The following ST8SIA4 variants were observed in gnomAD, a reference collection of about 807,000 sequenced individuals.
ST8SIA4 encodes ST8 alpha-N-acetyl-neuraminide alpha-2,8-sialyltransferase 4.
In ST8SIA4, 15 loss-of-function variants were observed where a neutral mutation model predicts 33.9. The observed-to-expected ratio is 0.44, with a 90% CI of 0.30 to 0.68. The LOEUF is 0.68. Ranked by LOEUF, ST8SIA4 falls within the 30% of genes least tolerant of loss-of-function variation. The pLI is 0.10. For synonymous variants in ST8SIA4, 171 were observed against 151.2 expected, an observed-to-expected ratio of 1.13 and a Z score of -0.96; for missense variants, 321 against 428.0, an observed-to-expected ratio of 0.75 and a Z score of 2.21.
At chr5:100,855,820 C>T (rs545818508) in intron 4 of ST8SIA4, among the ~76,000 whole-genome samples, 6 of 152,258 alleles carry the variant, frequency 3.9e-5, no homozygotes, top group African/African-American at 1.2e-4. Context: ...ACTATGAATT[C>T]TTATTACTTT....
intron 4 of ST8SIA4, among the ~76,000 whole-genome samples, chr5:100,816,226 A>G (rs2725118): frequency 0.9 from 136,381 of 152,206 alleles, 61,968 homozygotes; most frequent in Middle Eastern, 0.98. Flanking sequence ...AACACATTGC[A>G]AAGAAAAGAA....
chr5:100,847,039 T>C (rs145791458), intron 4 of ST8SIA4, among the ~76,000 whole-genome samples: 9 of 152,192 alleles, frequency 5.9e-5, no homozygotes, highest in Admixed American at 2.0e-4. Flanking sequence ...GAAAGAAATA[T>C]CCTTTCATGG....
At chr5:100,850,954 C>CTTTTTTTTT in intron 4 of ST8SIA4, among the ~76,000 whole-genome samples, 1 of 75,120 alleles carries the variant, frequency 1.3e-5, no homozygotes, top group East Asian at 3.9e-4. Context: ...TGTAACCATA[C>CTTTTTTTTT]TTTTTTTTTT....
In ST8SIA4 at chr5:100,817,736, A is replaced by G. The variant is rs375608731; in HGVS notation, c.798-5607T>C. 3.3e-5 allele frequency among the ~76,000 whole-genome samples: 5 copies of G among 152,328 alleles called. No homozygotes were observed. The South Asian group carries it at 1.0e-3, about 32-fold the overall frequency. ...TAGTAAATTTCTTAAATAAAAGTGG[A>G]ACTTCCAGCACTGAACTTGCTGAGA... On this transcript the variant is annotated intron_variant, in intron 4 of 4. Coordinates refer to ENST00000231461, the MANE Select transcript of ST8SIA4 (RefSeq NM_005668.6).
At position 100,811,904 on chromosome 5, in the gene ST8SIA4, A is replaced by T; in HGVS notation, c.1023T>A (p.Asn341Lys). ...HRMPLEFKTL[N>K]VLHNRGALKL... is the part of the protein sequence containing the mutation. Reference sequence around the variant, plus strand: ...TTAGAGCTCCTCTATTATGTAGCACATTTAATGTTTTGAATTCTAATGGCA... The same window carrying T: ...TTAGAGCTCCTCTATTATGTAGCACTTTTAATGTTTTGAATTCTAATGGCA... Residue 341 changes from asparagine to lysine, a missense_variant, in exon 5 of 5, where the codon AAT becomes AAA. Asn to Lys is a moderately conservative substitution (Grantham distance 94). Coordinates refer to ENST00000231461, the MANE Select transcript of ST8SIA4 (RefSeq NM_005668.6). 1.9e-6 allele frequency: 3 copies of T among 1,614,166 alleles called. No individual in the cohort carries two copies. The highest frequency in any genetic ancestry group is 2.5e-6 in the Non-Finnish European group (3 of 1,180,018).
At chr5:100,833,565 A>G (rs1413922980) in intron 4 of ST8SIA4, among the ~76,000 whole-genome samples, 1 of 152,128 alleles carries the variant, frequency 6.6e-6, no homozygotes, top group Non-Finnish European at 1.5e-5. Context: ...TTCATTCCTC[A>G]GTTTTCTCAA....
Position 100,811,753 on chromosome 5 carries a change from G to C in ST8SIA4, c.*94C>G. On this transcript the variant is annotated 3_prime_UTR_variant, in exon 5 of 5. Transcript: ENST00000231461. Reference sequence around the variant, plus strand: ...TTATTCACCTTTCAGTTCATTGGTGGATGCTGAAACCCAGCCGTGTTTTGG... The same window carrying C: ...TTATTCACCTTTCAGTTCATTGGTGCATGCTGAAACCCAGCCGTGTTTTGG... 1 of 1,282,644 alleles carries C rather than the reference G, an allele frequency of 7.8e-7. No homozygotes were observed. The highest frequency in any genetic ancestry group is 1.1e-6 in the Non-Finnish European group (1 of 937,196). 79.5% of individuals were successfully genotyped at this position (1,282,644 alleles called of 1,614,324 possible).
At chr5:100,815,250 T>A (rs1750891512) in intron 4 of ST8SIA4, among the ~76,000 whole-genome samples, 1 of 151,984 alleles carries the variant, frequency 6.6e-6, no homozygotes, top group African/African-American at 2.4e-5. Context: ...TTACCTATAA[T>A]CCATCCACAT....
At chr5:100,851,845 T>C (rs979389535) in intron 4 of ST8SIA4, among the ~76,000 whole-genome samples, 2 of 152,006 alleles carry the variant, frequency 1.3e-5, no homozygotes, top group Non-Finnish European at 2.9e-5. Context: ...CTAGTCAAAT[T>C]AAAGTAACTG....
At chr5:100,874,554 T>G (rs1369221481) in intron 3 of ST8SIA4, among the ~76,000 whole-genome samples, 1 of 151,882 alleles carries the variant, frequency 6.6e-6, no homozygotes, top group Non-Finnish European at 1.5e-5. Context: ...CCTCTCTATA[T>G]TTCTCTGCCT....
At chr5:100,845,737 C>A (rs1751555019) in intron 4 of ST8SIA4, among the ~76,000 whole-genome samples, 1 of 151,894 alleles carries the variant, frequency 6.6e-6, no homozygotes, top group African/African-American at 2.4e-5. Context: ...TTTATTTCCC[C>A]AGCTAAAATA....
At chr5:100,836,995 A>AACACACACACACACACACAC (rs143119843) in intron 4 of ST8SIA4, among the ~76,000 whole-genome samples, 56 of 146,398 alleles carry the variant, frequency 3.8e-4, no homozygotes, top group African/African-American at 1.2e-3. Flanking sequence ...TTAGTGCTAA[A>AACACACACACACACACACAC]ACACACACAC....
At chr5:100,897,162 TTAAG>T (rs1476556461) in intron 1 of ST8SIA4, among the ~76,000 whole-genome samples, 1 of 152,098 alleles carries the variant, frequency 6.6e-6, no homozygotes, top group Non-Finnish European at 1.5e-5. Flanking sequence ...AGAAAACTCA[TTAAG>T]TAGTCATTAT....
At chr5:100,881,386 A>G (rs1038385597) in intron 3 of ST8SIA4, among the ~76,000 whole-genome samples, 1 of 152,194 alleles carries the variant, frequency 6.6e-6, no homozygotes, top group Non-Finnish European at 1.5e-5. Context: ...TGAGAAGAGA[A>G]AGCGCCTGGG....
chr5:100,820,308 C>A (rs1751010942), intron 4 of ST8SIA4, among the ~76,000 whole-genome samples: 2 of 152,080 alleles, frequency 1.3e-5, no homozygotes. Flanking sequence ...ACATAACATG[C>A]AGCATTTCTC....
At chr5:100,875,751 T>C (rs954614957) in intron 3 of ST8SIA4, among the ~76,000 whole-genome samples, 3 of 151,496 alleles carry the variant, frequency 2.0e-5, no homozygotes, top group Non-Finnish European at 4.4e-5. Context: ...TAAAATAAAC[T>C]TGACGTTTAT....
In ST8SIA4 at chr5:100,856,220, G is replaced by A; in HGVS notation, c.680C>T (p.Ala227Val). The change falls in exon 4 of 5, where the codon GCT becomes GTT. Residue 227 changes from alanine to valine, a missense_variant. Transcript: ENST00000231461. ...MLNDSVLWIPAFMVKGGEKHV... is the reference protein window; with the variant it reads ...MLNDSVLWIPVFMVKGGEKHV... The stretch of plus-strand genomic sequence containing the variant: ...CTTCTCTCCTCCTTTGACCATGAAA[G>A]CAGGAATCCAAAGGACACTGTCATT... The A allele has an allele frequency of 6.2e-7, 1 of 1,614,052 alleles. No individual in the cohort carries two copies. Among genetic ancestry groups the A allele is most frequent in the Non-Finnish European group, 8.5e-7 (1 of 1,179,984 alleles).
At chr5:100,868,776 T>A (rs1752135843) in intron 3 of ST8SIA4, among the ~76,000 whole-genome samples, 1 of 152,038 alleles carries the variant, frequency 6.6e-6, no homozygotes, top group African/African-American at 2.4e-5. Context: ...CCTGAAAAAG[T>A]CATATTTGTT....
chr5:100,838,112 A>T (rs1196710198), intron 4 of ST8SIA4, among the ~76,000 whole-genome samples: 1 of 152,018 alleles, frequency 6.6e-6, no homozygotes, highest in Non-Finnish European at 1.5e-5. Flanking sequence ...TATGAGACAA[A>T]GCGGTACATG....
Sources: allele counts gnomAD v4.1 joint callset (sites outside exome capture counted in the v4.1 genomes callset), GRCh38; gene constraint gnomAD v4.1.1; transcripts MANE v1.5; gene names NCBI Gene and HGNC (gene_info 2026-07-23, HGNC 2026-07-21).